SLC35E4: variants seen among roughly 807,000 people sequenced by gnomAD.
The protein encoded by SLC35E4 is solute carrier family 35 member E4, also known as solute carrier family 35, member E4.
A neutral mutation model predicts 19.3 loss-of-function variants in SLC35E4; 15 were observed. The observed-to-expected ratio is 0.78, with a 90% CI of 0.52 to 1.20. SLC35E4 has a LOEUF of 1.20. SLC35E4 is among the 50% of genes most tolerant of loss of function. The pLI is 0.00. For missense variants in SLC35E4, 406 were observed against 472.3 expected, an observed-to-expected ratio of 0.86 and a Z score of 1.30; for synonymous variants, 219 against 219.9, an observed-to-expected ratio of 1.00 and a Z score of 0.04.
chr22:30,636,666 A>C lies in SLC35E4; in HGVS notation c.216A>C (p.Thr72=), dbSNP rs2087953401. 1.2e-6 allele frequency: 2 copies of C among 1,611,936 alleles called. No individual in the cohort carries two copies. Among genetic ancestry groups the C allele is most frequent in the African/African-American group, 2.7e-5 (2 of 74,896 alleles). Residue 72 remains threonine (T), a synonymous_variant, in exon 1 of 2, where the codon ACA becomes ACC. Transcript: ENST00000343605. ...CAAGCCTCAACAAGTGGATCTTCAC[A>C]GTGCACGGCTTTGGGCGGCCCCTGC... ...SMSSLNKWIF[T]VHGFGRPLLL... is the part of the protein sequence containing the mutation.
intron 1 of SLC35E4, among the ~76,000 whole-genome samples, chr22:30,638,687 C>A (rs1220687007): frequency 1.3e-5 from 2 of 152,054 alleles, no homozygotes; most frequent in East Asian, 1.9e-4. Flanking sequence ...TGGTGGGCGC[C>A]TGTAATCCCA....
chr22:30,639,238 G>C (rs2087997496), intron 1 of SLC35E4, among the ~76,000 whole-genome samples: 1 of 152,112 alleles, frequency 6.6e-6, no homozygotes. Flanking sequence ...CATAAAACCA[G>C]CAAGTTTTGA....
intron 1 of SLC35E4, among the ~76,000 whole-genome samples, chr22:30,638,891 G>A (rs751655887): frequency 2.6e-5 from 4 of 152,004 alleles, no homozygotes; most frequent in Admixed American, 6.6e-5. Flanking sequence ...CCTTGAACCC[G>A]GGAGAAGGAG....
downstream of SLC35E4, chr22:30,647,913 T>C (rs1002598821): frequency 2.0e-5 from 3 of 152,204 alleles, no homozygotes; most frequent in African/African-American, 7.2e-5. Flanking sequence ...CATTTGTTGG[T>C]TGTACAGAGG....
At chr22:30,659,498 C>G (rs377044116) in intron 2 of SLC35E4, among the ~76,000 whole-genome samples, 4 of 152,018 alleles carry the variant, frequency 2.6e-5, no homozygotes, top group African/African-American at 9.7e-5. Flanking sequence ...CTCAGCCTCC[C>G]GGGTAGCTGT....
At chr22:30,645,815 A>G (rs1045158391) in intron 1 of SLC35E4, among the ~76,000 whole-genome samples, 1 of 124,832 alleles carries the variant, frequency 8.0e-6, no homozygotes, top group Admixed American at 8.5e-5. Context: ...ACTGTACCTG[A>G]CCGATTTTTT....
chr22:30,651,543 G>A (rs561954367), downstream of SLC35E4, among the ~76,000 whole-genome samples: 44 of 144,168 alleles, frequency 3.1e-4, no homozygotes, highest in African/African-American at 1.0e-3. Flanking sequence ...GCCTCCCAAA[G>A]TGCTAGGATT....
downstream of SLC35E4, chr22:30,664,192 C>T (rs2145617935): frequency 1.6e-6 from 1 of 609,052 alleles, no homozygotes; most frequent in East Asian, 2.8e-5. Context: ...AGTCCTCTGA[C>T]CATCACAGCA....
downstream of SLC35E4, among the ~76,000 whole-genome samples, chr22:30,651,367 A>AT (rs35299835): frequency 5.6e-4 from 43 of 77,014 alleles, 1 homozygote; most frequent in African/African-American, 1.9e-3. Flanking sequence ...CACGTGGCTA[A>AT]TTTTTGTGTG....
chr22:30,651,391 GTGTGTGTGTATATATA>G (rs1334845538), downstream of SLC35E4, among the ~76,000 whole-genome samples: 7 of 37,788 alleles, frequency 1.9e-4, no homozygotes, highest in South Asian at 8.8e-4. Context: ...GTGTGTGTGT[GTGTGTGTGTATATATA>G]TATATATATA....
chr22:30,659,411 T>C lies in SLC35E4; in HGVS notation c.*9-2649T>C, dbSNP rs960029963. ...TTTTTGAGATGGAGTTTCACTCTTA[T>C]TGCCCAGGCTCGAGTTCAATAGCAT... is the stretch of plus-strand genomic sequence containing the variant. On this transcript the variant is annotated intron_variant, in intron 2 of 2. Coordinates refer to the SLC35E4 transcript ENST00000406566. Among the ~76,000 whole-genome samples the C allele has an allele frequency of 3.9e-5, 6 of 152,284 alleles. 1 individual carries two copies. The East Asian group carries it at 7.7e-4, about 20-fold the overall frequency.
At chr22:30,649,346 C>CT, downstream of SLC35E4, 1 of 687,828 alleles carries the variant, frequency 1.5e-6, no homozygotes, top group East Asian at 2.7e-5. Context: ...TGTGTGAGGA[C>CT]TAGGAGCTAG....
Position 30,636,328 on chromosome 22 carries a change from C to A in SLC35E4, c.-123C>A. ...TGGCACAAGTAAGCAGTGTCCTCAC[C>A]TGTCTGAAACGGGACACGGGGTCGG... On this transcript the variant is annotated 5_prime_UTR_variant, in exon 1 of 2. In the 5' UTR this introduces an upstream ATG that the reference lacks. Coordinates refer to ENST00000343605, the MANE Select transcript of SLC35E4 (RefSeq NM_001001479.4). The A allele has an allele frequency of 7.6e-7, 1 of 1,323,676 alleles. No homozygotes were observed. The allele number at this position is 1,323,676 out of a possible 1,614,324, so 82.0% of individuals were successfully genotyped here.
chr22:30,648,365 G>C (rs575068004), downstream of SLC35E4, among the ~76,000 whole-genome samples: 24 of 151,990 alleles, frequency 1.6e-4, no homozygotes, highest in Middle Eastern at 3.4e-3. Context: ...TGTTCCCTCC[G>C]TCCAGTCCCC....
chr22:30,648,047 G>A (rs1297149871), downstream of SLC35E4, among the ~76,000 whole-genome samples: 2 of 152,030 alleles, frequency 1.3e-5, no homozygotes, highest in Non-Finnish European at 2.9e-5. Context: ...CACTGGCTGG[G>A]CTACCATTGC....
chr22:30,654,263 C>T (rs527957150), intron 2 of SLC35E4: 66 of 425,804 alleles, frequency 1.6e-4, no homozygotes, highest in African/African-American at 9.9e-4. Context: ...GGATTACAGG[C>T]GTGAGCCACC....
downstream of SLC35E4, chr22:30,664,060 C>G (rs1397690729): frequency 1.5e-5 from 23 of 1,500,892 alleles, no homozygotes; most frequent in Non-Finnish European, 1.6e-5. Flanking sequence ...CGTCTTTCTG[C>G]TAGGCTGTGT....
downstream of SLC35E4, chr22:30,667,658 C>T (rs1217759255): frequency 6.5e-6 from 1 of 152,718 alleles, no homozygotes; most frequent in Non-Finnish European, 1.5e-5. Flanking sequence ...AAATCCTGGC[C>T]TCGGCTCCAC....
At chr22:30,651,645 G>A (rs1211202008), downstream of SLC35E4, among the ~76,000 whole-genome samples, 1 of 151,542 alleles carries the variant, frequency 6.6e-6, no homozygotes, top group Admixed American at 6.6e-5. Flanking sequence ...GAAAAAATTG[G>A]AGGGGCTCAA....
Sources: gnomAD v4.1 joint callset for allele counts (sites outside exome capture counted in the v4.1 genomes callset) on GRCh38, gnomAD v4.1.1 for gene constraint, MANE v1.5 for transcripts, NCBI Gene and HGNC (gene_info 2026-07-23, HGNC 2026-07-21) for gene names.